FSTL4: variants seen among roughly 807,000 people sequenced by gnomAD.
FSTL4 encodes the protein follistatin-related protein 4.
A neutral mutation model predicts 78.2 loss-of-function variants in FSTL4; 28 were observed. The ratio of observed to expected loss-of-function variants is 0.36; its 90% CI spans 0.27 to 0.49. The LOEUF (loss-of-function observed/expected upper bound fraction) is 0.49. FSTL4 is among the 20% of genes least tolerant of loss of function. The pLI, the probability that FSTL4 is intolerant of heterozygous loss-of-function variation, is 0.98. For missense variants in FSTL4, 922 were observed against 1,084.9 expected (o/e 0.85, Z 2.11); for synonymous variants, 422 against 440.5 (o/e 0.96, Z 0.53).
chr5:133,322,068 A>G (rs968554923), intron 4 of FSTL4, among the ~76,000 whole-genome samples: 2 of 152,196 alleles, frequency 1.3e-5, no homozygotes, highest in South Asian at 2.1e-4. Flanking sequence ...CAAGCCTTAC[A>G]GTGAGGTTTG....
At chr5:133,767,302 T>G in the FSTL4 span, among the ~76,000 whole-genome samples, 8 of 152,276 alleles carry the variant, frequency 5.3e-5, no homozygotes, top group Non-Finnish European at 1.0e-4. Flanking sequence ...GATTCTAGCC[T>G]GTCATGTGCC....
At chr5:133,721,384 C>G in the FSTL4 span, among the ~76,000 whole-genome samples, 2 of 152,120 alleles carry the variant, frequency 1.3e-5, no homozygotes, top group African/African-American at 4.8e-5. Context: ...TTTATACTTT[C>G]ATATATATTC....
At chr5:133,759,829 T>TCAACA in the FSTL4 span, among the ~76,000 whole-genome samples, 2 of 152,224 alleles carry the variant, frequency 1.3e-5, no homozygotes, top group African/African-American at 2.4e-5. Flanking sequence ...GATTCTACAT[T>TCAACA]CTATTGTAGA....
the FSTL4 span, among the ~76,000 whole-genome samples, chr5:133,836,136 C>A: frequency 6.6e-6 from 1 of 152,236 alleles, no homozygotes; most frequent in South Asian, 2.1e-4. Flanking sequence ...TCTAGTCTAA[C>A]AATCTTCATC....
intron 3 of FSTL4, among the ~76,000 whole-genome samples, chr5:133,492,563 A>T (rs531304678): frequency 1.3e-5 from 2 of 152,288 alleles, no homozygotes; most frequent in South Asian, 2.1e-4. Flanking sequence ...TTGCTAATGA[A>T]GTTTGCAATT....
the FSTL4 span, among the ~76,000 whole-genome samples, chr5:133,837,175 G>T: frequency 4.2e-4 from 64 of 150,998 alleles, no homozygotes; most frequent in African/African-American, 1.4e-3. Flanking sequence ...CCTTCTTGCA[G>T]TTCACTAATC....
intron 7 of FSTL4, among the ~76,000 whole-genome samples, chr5:133,245,730 C>T (rs11953524): frequency 0.016 from 2,495 of 152,288 alleles, 63 homozygotes; most frequent in African/African-American, 0.057. Flanking sequence ...ATGGGCCACA[C>T]ACGATTGGGT....
chr5:133,653,197 C>T, the FSTL4 span, among the ~76,000 whole-genome samples: 1 of 152,306 alleles, frequency 6.6e-6, no homozygotes, highest in East Asian at 1.9e-4. Flanking sequence ...CCTCTGCCTC[C>T]TCCTGAGGGA....
intron 3 of FSTL4, among the ~76,000 whole-genome samples, chr5:133,511,994 T>C (rs1758744012): frequency 6.6e-6 from 1 of 152,174 alleles, no homozygotes; most frequent in Admixed American, 6.5e-5. Context: ...ACCATGTTTG[T>C]AGTGTTCAGC....
chr5:133,703,523 T>C, the FSTL4 span, among the ~76,000 whole-genome samples: 32 of 152,304 alleles, frequency 2.1e-4, no homozygotes, highest in African/African-American at 7.5e-4. Flanking sequence ...GACGGTTCTT[T>C]GCGAGACACT....
chr5:133,547,235 T>C (rs1436118823), intron 3 of FSTL4, among the ~76,000 whole-genome samples: 2 of 125,342 alleles, frequency 1.6e-5, no homozygotes, highest in African/African-American at 6.4e-5. Flanking sequence ...TGCCTGTCTG[T>C]CTGTCTCTCT....
At chr5:133,695,334 C>T in the FSTL4 span, among the ~76,000 whole-genome samples, 1 of 152,198 alleles carries the variant, frequency 6.6e-6, no homozygotes, top group African/African-American at 2.4e-5. Context: ...TGGTCCCAGA[C>T]ACCCAGCACA....
At chr5:133,364,370 C>T (rs950417076) in intron 4 of FSTL4, among the ~76,000 whole-genome samples, 1 of 152,196 alleles carries the variant, frequency 6.6e-6, no homozygotes, top group Non-Finnish European at 1.5e-5. Flanking sequence ...TCTGAGTGTA[C>T]TCCCAGTGGG....
Position 133,312,727 on chromosome 5 carries a change from T to C in FSTL4, c.654A>G (p.Pro218=). ...AATCGTCAAATCGGAGGAGGTCACC[T>C]GGTGAGCAACCAAGTAAGTCTTCAT... ...DLDEDLLGCS[P]GDLLRFDDYN... Residue 218 remains proline (P), a synonymous_variant, in exon 6 of 16, where the codon CCA becomes CCG. Transcript: ENST00000265342. 6.2e-7 allele frequency: 1 copy of C among 1,613,964 alleles called. No homozygotes were observed. Among genetic ancestry groups the C allele is most frequent in the Non-Finnish European group, 8.5e-7 (1 of 1,179,802 alleles).
In FSTL4 at chr5:133,316,589, C is replaced by T. The variant is rs17683306; in HGVS notation, c.473G>A (p.Arg158His). The change falls in exon 5 of 16, where the codon CGT becomes CAT. Residue 158 changes from arginine to histidine, a missense_variant. Physicochemically the swap from Arg to His is conservative, Grantham distance 29 (BLOSUM62 0). Coordinates refer to ENST00000265342, the MANE Select transcript of FSTL4 (RefSeq NM_015082.2). ...LKNVLLALQT[R>H]LQPLQEGDSR... Reference sequence around the variant, plus strand: ...GTCTCCTTCTTGGAGTGGCTGCAGACGGGTCTGGAGTGCCAGAAGGACATT... The same window carrying T: ...GTCTCCTTCTTGGAGTGGCTGCAGATGGGTCTGGAGTGCCAGAAGGACATT... The T allele has an allele frequency of 0.094, 151,279 of 1,613,854 alleles. 7,904 individuals carry two copies. Among genetic ancestry groups the T allele is most frequent in the Middle Eastern group, 0.16 (993 of 6,062 alleles).
At chr5:133,688,596 T>C in the FSTL4 span, among the ~76,000 whole-genome samples, 1 of 152,224 alleles carries the variant, frequency 6.6e-6, no homozygotes, top group Non-Finnish European at 1.5e-5. Flanking sequence ...CTCAACCCAG[T>C]CATTCTGAGG....
intron 4 of FSTL4, among the ~76,000 whole-genome samples, chr5:133,319,652 G>C (rs1429177173): frequency 6.6e-6 from 1 of 152,200 alleles, no homozygotes; most frequent in African/African-American, 2.4e-5. Flanking sequence ...GAGCCTCCAA[G>C]GCCTTGGGGA....
At chr5:133,729,109 G>A in the FSTL4 span, among the ~76,000 whole-genome samples, 5 of 152,084 alleles carry the variant, frequency 3.3e-5, no homozygotes, top group African/African-American at 1.2e-4. Flanking sequence ...GGAATTAGGT[G>A]GGGAAAGGTT....
At chr5:133,373,134 A>G (rs1342336018) in intron 4 of FSTL4, among the ~76,000 whole-genome samples, 1 of 152,210 alleles carries the variant, frequency 6.6e-6, no homozygotes, top group African/African-American at 2.4e-5. Flanking sequence ...CACCCCAAAA[A>G]GGTGGAATAA....
Sources: allele counts gnomAD v4.1 joint callset (sites outside exome capture counted in the v4.1 genomes callset), GRCh38; gene constraint gnomAD v4.1.1; transcripts MANE v1.5; gene names NCBI Gene and HGNC (gene_info 2026-07-23, HGNC 2026-07-21).